FNBP1: variants seen among roughly 807,000 people sequenced by gnomAD.
FNBP1 encodes formin binding protein 1, also known as formin-binding protein 1.
FNBP1 carries 26 observed loss-of-function variants against 90.6 expected under a neutral mutation model. The observed-to-expected ratio is 0.29, with a 90% CI of 0.21 to 0.40. FNBP1 has a LOEUF of 0.40. Among genes scored for constraint, FNBP1 ranks in the 10% least tolerant of loss-of-function variants. FNBP1 has a pLI of 1.00. For missense variants in FNBP1, 635 were observed against 768.0 expected, an observed-to-expected ratio of 0.83 and a Z score of 2.05; for synonymous variants, 260 against 265.2, an observed-to-expected ratio of 0.98 and a Z score of 0.19.
At position 129,890,595 on chromosome 9, in the gene FNBP1, G is replaced by T; in HGVS notation, c.1847-49C>A. On this transcript the variant is annotated intron_variant, in intron 16 of 16. Coordinates refer to ENST00000446176, the MANE Select transcript of FNBP1 (RefSeq NM_015033.3). The surrounding 1 kb of genome is among the most constrained non-coding windows in gnomAD (Gnocchi z 5.8). Reference sequence around the variant, plus strand: ...AGAGAAACTCTCTGTTAGAGAGGAAGGCGCGGGTTCCAGGCGGGCATTTTG... The same window carrying T: ...AGAGAAACTCTCTGTTAGAGAGGAATGCGCGGGTTCCAGGCGGGCATTTTG... 1 of 1,544,940 alleles carries T rather than the reference G, an allele frequency of 6.5e-7. No homozygotes were observed.
rs1002475388 is a variant in FNBP1, at chr9:130,031,244, G to A, written c.24+11708C>T. ...AATCCAGTCAGCCAATCGGCCCAGCGTGGCCTGAAGCTACCGAGCTCCTCT... is the reference window on the plus strand; with the variant it reads ...AATCCAGTCAGCCAATCGGCCCAGCATGGCCTGAAGCTACCGAGCTCCTCT... On this transcript the variant is annotated intron_variant, in intron 1 of 16. Coordinates refer to ENST00000446176, the MANE Select transcript of FNBP1 (RefSeq NM_015033.3). The surrounding 1 kb of genome is among the most constrained non-coding windows in gnomAD (Gnocchi z 4.2). 3.3e-5 allele frequency among the ~76,000 whole-genome samples: 5 copies of A among 152,350 alleles called. No individual in the cohort carries two copies. The highest frequency in any genetic ancestry group is 7.2e-5 in the African/African-American group (3 of 41,584).
At chr9:130,007,114 C>T (rs915625265) in intron 1 of FNBP1, among the ~76,000 whole-genome samples, 3 of 150,514 alleles carry the variant, frequency 2.0e-5, no homozygotes, top group African/African-American at 4.9e-5. Context: ...TGGTGGCGCA[C>T]GCCTATAGTC....
intron 6 of FNBP1, among the ~76,000 whole-genome samples, chr9:129,951,052 A>G (rs1168281779): frequency 3.4e-5 from 5 of 147,932 alleles, no homozygotes; most frequent in African/African-American, 1.3e-4. Context: ...GCTCACTGCA[A>G]CCTCCACCTC....
chr9:130,031,750 C>T lies in FNBP1; in HGVS notation c.24+11202G>A, dbSNP rs1481401812. On this transcript the variant is annotated intron_variant, in intron 1 of 16. Transcript: ENST00000446176. The surrounding 1 kb of genome is among the most constrained non-coding windows in gnomAD (Gnocchi z 4.2). ...AATCTCAGTTCACTGCAACATCCACCTCCTAGATTCAAGCGATTCTCCTGC... is the reference window on the plus strand; with the variant it reads ...AATCTCAGTTCACTGCAACATCCACTTCCTAGATTCAAGCGATTCTCCTGC... 6.6e-6 allele frequency among the ~76,000 whole-genome samples: 1 copy of T among 152,072 alleles called. No individual in the cohort carries two copies. Among genetic ancestry groups the T allele is most frequent in the African/African-American group, 2.4e-5 (1 of 41,406 alleles).
At chr9:129,907,399 C>A (rs907449228) in intron 12 of FNBP1, among the ~76,000 whole-genome samples, 1 of 152,188 alleles carries the variant, frequency 6.6e-6, no homozygotes, top group Non-Finnish European at 1.5e-5. Context: ...CACACTGACA[C>A]ATCAGCAGTA....
chr9:130,042,359 C>T lies in FNBP1; in HGVS notation c.24+593G>A, dbSNP rs2059903000. ...ACATCCCACTCAGGATTGAGCTACC[C>T]CGAAAGAACAAGTGCGCCCGGAGCC... On this transcript the variant is annotated intron_variant, in intron 1 of 16. Coordinates refer to ENST00000446176, the MANE Select transcript of FNBP1 (RefSeq NM_015033.3). This position sits in a 1 kb window ranked among gnomAD's most constrained non-coding sequence, Gnocchi z 5.5. Among the ~76,000 whole-genome samples, 1 of 152,148 alleles carries T rather than the reference C, an allele frequency of 6.6e-6. No individual in the cohort carries two copies. The highest frequency in any genetic ancestry group is 2.1e-4 in the South Asian group (1 of 4,830).
intron 6 of FNBP1, among the ~76,000 whole-genome samples, chr9:129,955,357 C>T (rs560234678): frequency 1.4e-4 from 22 of 151,904 alleles, no homozygotes; most frequent in Middle Eastern, 3.4e-3. Flanking sequence ...CCTTGGCCTC[C>T]GGAGTAGCTG....
chr9:129,986,061 G>C (rs554483332), intron 2 of FNBP1, among the ~76,000 whole-genome samples: 1 of 151,440 alleles, frequency 6.6e-6, no homozygotes, highest in Non-Finnish European at 1.5e-5. Context: ...GCTTGAACCC[G>C]GGAGGCTGAG....
chr9:129,903,044 T>C (rs2037258888), intron 12 of FNBP1, 43 bp from the exon 13 acceptor site: 1 of 1,531,904 alleles, frequency 6.5e-7, no homozygotes, highest in Non-Finnish European at 8.8e-7. Flanking sequence ...GTTACTCCAT[T>C]TTTTTTTTAG....
At chr9:130,001,901 G>A (rs990200177) in intron 1 of FNBP1, among the ~76,000 whole-genome samples, 2 of 152,026 alleles carry the variant, frequency 1.3e-5, no homozygotes, top group Admixed American at 1.3e-4. Context: ...GATGGTGGGC[G>A]CCTGTAATCC....
intron 10 of FNBP1, among the ~76,000 whole-genome samples, chr9:129,920,907 G>C (rs1262242945): frequency 6.6e-6 from 1 of 152,182 alleles, no homozygotes; most frequent in Non-Finnish European, 1.5e-5. Flanking sequence ...AAACACCCTT[G>C]TCTTGGAAAT....
chr9:130,047,774 T>C (rs751607749), upstream of FNBP1, among the ~76,000 whole-genome samples: 3 of 152,130 alleles, frequency 2.0e-5, no homozygotes, highest in Non-Finnish European at 2.9e-5. Context: ...CCTGTATAGA[T>C]GGCTGTGTGG....
chr9:130,004,780 T>A (rs918540860), intron 1 of FNBP1, among the ~76,000 whole-genome samples: 1 of 152,130 alleles, frequency 6.6e-6, no homozygotes, highest in Non-Finnish European at 1.5e-5. Context: ...TATAAAACTT[T>A]ACAGGCCGGG....
At chr9:129,944,402 G>A (rs897830031) in intron 6 of FNBP1, among the ~76,000 whole-genome samples, 5 of 151,510 alleles carry the variant, frequency 3.3e-5, no homozygotes, top group South Asian at 2.1e-4. Flanking sequence ...TTAGCTGGGC[G>A]TCGTGGTGGG....
intron 16 of FNBP1, among the ~76,000 whole-genome samples, chr9:129,891,087 G>A (rs1453930325): frequency 2.0e-5 from 3 of 151,932 alleles, no homozygotes; most frequent in African/African-American, 7.3e-5. Context: ...CCCAGGAGGC[G>A]GAGGTTGCAG....
intron 1 of FNBP1, among the ~76,000 whole-genome samples, chr9:130,011,269 A>ATATATATATATATATAT (rs1322193913): frequency 2.9e-5 from 1 of 34,828 alleles, no homozygotes; most frequent in African/African-American, 1.1e-4. Flanking sequence ...TATATATATA[A>ATATATATATATATATAT]AATATATATA....
chr9:129,938,745 T>C (rs766788252), intron 6 of FNBP1, among the ~76,000 whole-genome samples: 1 of 152,124 alleles, frequency 6.6e-6, no homozygotes, highest in Non-Finnish European at 1.5e-5. Context: ...GAAATATCTA[T>C]TTACTCAAGG....
intron 1 of FNBP1, among the ~76,000 whole-genome samples, chr9:130,037,570 A>G (rs905605660): frequency 3.9e-5 from 6 of 152,210 alleles, no homozygotes; most frequent in Non-Finnish European, 7.3e-5. Flanking sequence ...ATATAAAGAT[A>G]TGTACACATA....
intron 11 of FNBP1, chr9:129,910,031 C>T (rs1426553550): frequency 2.5e-6 from 1 of 402,494 alleles, no homozygotes; most frequent in Non-Finnish European, 5.0e-6. Context: ...TATCTTGATT[C>T]CCTTTTCAGA....
Sources: gnomAD v4.1 joint callset for allele counts (sites outside exome capture counted in the v4.1 genomes callset) on GRCh38, gnomAD v4.1.1 for gene constraint, Gnocchi (gnomAD v3.1) non-coding constraint, MANE v1.5 for transcripts, NCBI Gene and HGNC (gene_info 2026-07-23, HGNC 2026-07-21) for gene names.